The following APBB2 variants were observed in gnomAD, a reference collection of about 807,000 sequenced individuals.
APBB2 encodes the protein amyloid beta precursor protein binding family B member 2, also known as Fe65-like 1.
Under a neutral mutation model 82.5 loss-of-function variants are expected in APBB2, and 38 were observed. The observed-to-expected ratio is 0.46, with a 90% CI of 0.36 to 0.60. The LOEUF (loss-of-function observed/expected upper bound fraction) is 0.60. APBB2 is among the 20% of genes least tolerant of loss of function. APBB2 has a pLI of 0.00. For synonymous variants in APBB2, 341 were observed against 368.2 expected, an observed-to-expected ratio of 0.93 and a Z score of 0.85; for missense variants, 772 against 972.3, an observed-to-expected ratio of 0.79 and a Z score of 2.74.
At chr4:41,145,630 A>C (rs561878716) in intron 1 of APBB2, among the ~76,000 whole-genome samples, 2 of 152,366 alleles carry the variant, frequency 1.3e-5, no homozygotes, top group South Asian at 4.1e-4. Context: ...GTGCTTGGGC[A>C]GCAGGTGTCC....
chr4:41,109,569 C>T (rs960526858), intron 2 of APBB2, among the ~76,000 whole-genome samples: 2 of 152,314 alleles, frequency 1.3e-5, no homozygotes, highest in Non-Finnish European at 1.5e-5. Context: ...CTCCTAGGTT[C>T]ACGCCATTCT....
chr4:40,992,369 G>GGC (rs984682608), intron 6 of APBB2, among the ~76,000 whole-genome samples: 3 of 118,746 alleles, frequency 2.5e-5, no homozygotes, highest in Admixed American at 1.9e-4. Flanking sequence ...GATGGGGGGG[G>GGC]GTCTTTCTAT....
At chr4:40,886,199 C>T (rs554291169) in intron 12 of APBB2, among the ~76,000 whole-genome samples, 74 of 152,356 alleles carry the variant, frequency 4.9e-4, no homozygotes, top group Non-Finnish European at 9.3e-4. Context: ...TATGTTTTGG[C>T]TGGGCGCAGT....
intron 1 of APBB2, among the ~76,000 whole-genome samples, chr4:41,179,526 C>T (rs1043667980): frequency 6.6e-6 from 1 of 152,152 alleles, no homozygotes; most frequent in Admixed American, 6.6e-5. Context: ...AACTTGTCAG[C>T]TCAAAAGAAC....
chr4:41,066,506 C>T (rs545542263), intron 3 of APBB2, among the ~76,000 whole-genome samples: 4 of 152,182 alleles, frequency 2.6e-5, no homozygotes, highest in Non-Finnish European at 5.9e-5. Context: ...AAACTGGCCA[C>T]CCTAGGGCCA....
At chr4:40,914,496 G>T (rs1267416203) in intron 10 of APBB2, among the ~76,000 whole-genome samples, 1 of 152,222 alleles carries the variant, frequency 6.6e-6, no homozygotes, top group Non-Finnish European at 1.5e-5. Context: ...GGGTTGCAGT[G>T]AGCCGACATC....
chr4:41,188,734 G>A (rs1430354149), intron 1 of APBB2, among the ~76,000 whole-genome samples: 1 of 152,128 alleles, frequency 6.6e-6, no homozygotes, highest in East Asian at 1.9e-4. Context: ...AGGAACAAAG[G>A]CAGTTCTAAC....
intron 1 of APBB2, among the ~76,000 whole-genome samples, chr4:41,190,923 C>T (rs776888166): frequency 6.6e-6 from 1 of 152,172 alleles, no homozygotes; most frequent in African/African-American, 2.4e-5. Flanking sequence ...TTCTGATGAA[C>T]GAGAGCAGCA....
chr4:41,146,532 T>A (rs1461028848), intron 1 of APBB2, among the ~76,000 whole-genome samples: 1 of 152,096 alleles, frequency 6.6e-6, no homozygotes, highest in African/African-American at 2.4e-5. Flanking sequence ...CAGTCACTAA[T>A]AATTAAAATA....
chr4:41,027,952 T>G (rs116011324), intron 5 of APBB2, among the ~76,000 whole-genome samples: 1 of 152,254 alleles, frequency 6.6e-6, no homozygotes, highest in Admixed American at 6.5e-5. Context: ...GATCGATTCC[T>G]AATCCAGAGG....
intron 6 of APBB2, among the ~76,000 whole-genome samples, chr4:40,976,754 T>C (rs772753001): frequency 1.3e-5 from 2 of 152,110 alleles, no homozygotes; most frequent in African/African-American, 2.4e-5. Context: ...TCCTATTTAT[T>C]CAGATGGGGC....
intron 10 of APBB2, among the ~76,000 whole-genome samples, chr4:40,925,546 A>G (rs1196121009): frequency 1.3e-5 from 2 of 152,210 alleles, no homozygotes; most frequent in Admixed American, 6.6e-5. Flanking sequence ...TTAGCATTCA[A>G]TAAACGTCTC....
rs1046103080 is a variant in APBB2 at position 40,813,478 on chromosome 4, C to A, written c.*2614G>T. On this transcript the variant is annotated 3_prime_UTR_variant, in exon 18 of 18. Coordinates refer to ENST00000508593, the MANE Select transcript of APBB2 (RefSeq NM_004307.2). ...TGGCATCCTTTTACAAACAAATACA[C>A]ACATACTTTCATACATACTTTTTGG... 16 of 152,274 alleles carry A rather than the reference C, an allele frequency of 1.1e-4. No homozygotes were observed. Among genetic ancestry groups the A allele is most frequent in the African/African-American group, 3.9e-4 (16 of 41,556 alleles). The allele number at this position is 152,274 out of a possible 1,614,324, so 9.4% of individuals were successfully genotyped here. A position where few individuals can be genotyped will look rare whatever the true frequency, so the allele number is the denominator to read the frequency against.
At chr4:41,092,557 C>T (rs907179805) in intron 3 of APBB2, among the ~76,000 whole-genome samples, 3 of 151,920 alleles carry the variant, frequency 2.0e-5, no homozygotes, top group African/African-American at 4.8e-5. Context: ...GGCATGGTGG[C>T]GCGTGTGTGT....
Position 40,813,322 on chromosome 4 carries a change from G to C in APBB2, c.*2770C>G, listed in dbSNP as rs1288733670. 3 of 152,166 alleles carry C rather than the reference G, an allele frequency of 2.0e-5. No individual in the cohort carries two copies. The highest frequency in any genetic ancestry group is 4.4e-5 in the Non-Finnish European group (3 of 68,032). The allele number at this position is 152,166 out of a possible 1,614,324, so 9.4% of individuals were successfully genotyped here. On this transcript the variant is annotated 3_prime_UTR_variant, in exon 18 of 18. Coordinates refer to ENST00000508593, the MANE Select transcript of APBB2 (RefSeq NM_004307.2). Reference sequence around the variant, plus strand: ...AAATAAAATAAAAATATTTTAAGCTGTATTTAACAGGTTAATTAAAAATAT... The same window carrying C: ...AAATAAAATAAAAATATTTTAAGCTCTATTTAACAGGTTAATTAAAAATAT...
intron 6 of APBB2, among the ~76,000 whole-genome samples, chr4:40,999,020 C>T (rs1804408080): frequency 6.6e-6 from 1 of 152,042 alleles, no homozygotes; most frequent in Non-Finnish European, 1.5e-5. Flanking sequence ...TTTTTCCAAC[C>T]TCGGTGTATT....
chr4:40,930,436 T>TGA (rs1783804833), intron 10 of APBB2, among the ~76,000 whole-genome samples: 1 of 39,600 alleles, frequency 2.5e-5, no homozygotes, highest in Non-Finnish European at 5.7e-5. Context: ...TGTGTGTGTG[T>TGA]GTGTGTGTGT....
intron 1 of APBB2, among the ~76,000 whole-genome samples, chr4:41,192,741 T>A (rs1421242271): frequency 2.0e-5 from 3 of 152,156 alleles, no homozygotes; most frequent in African/African-American, 7.2e-5. Context: ...GGATTCCTGA[T>A]AAATGAACAG....
At chr4:41,133,505 A>C (rs539677624) in intron 2 of APBB2, among the ~76,000 whole-genome samples, 1 of 152,300 alleles carries the variant, frequency 6.6e-6, no homozygotes, top group African/African-American at 2.4e-5. Context: ...TCAAACCAGA[A>C]ATGTCTCTAA....
Sources: allele counts gnomAD v4.1 joint callset (sites outside exome capture counted in the v4.1 genomes callset), GRCh38; gene constraint gnomAD v4.1.1; transcripts MANE v1.5; gene names NCBI Gene and HGNC (gene_info 2026-07-23, HGNC 2026-07-21).